Variants in MED27 observed in about 807,000 individuals in gnomAD.
MED27 encodes the protein mediator complex subunit 27.
MED27 carries 30 observed loss-of-function variants against 38.2 expected under a neutral mutation model. That is an observed-to-expected ratio of 0.79 (90% CI 0.59 to 1.07). The LOEUF is 1.07. Among genes scored for constraint, MED27 ranks in the 50% least tolerant of loss-of-function variants. MED27 has a pLI of 0.00. For synonymous variants in MED27, 122 were observed against 153.5 expected (o/e 0.79, Z 1.52); for missense variants, 289 against 397.5 (o/e 0.73, Z 2.32).
chr9:131,884,555 T>C (rs1329952837), intron 5 of MED27, among the ~76,000 whole-genome samples: 1 of 152,096 alleles, frequency 6.6e-6, no homozygotes, highest in African/African-American at 2.4e-5. Flanking sequence ...CATTTCCCAG[T>C]TACCTTATCA....
In MED27 at chr9:132,056,166, C is replaced by T. The variant is rs140134417; in HGVS notation, c.348+21276G>A. 2.1e-3 allele frequency among the ~76,000 whole-genome samples: 324 copies of T among 152,336 alleles called. 1 individual carries two copies. The highest frequency in any genetic ancestry group is 7.5e-3 in the African/African-American group (310 of 41,582). ...ATAACTATGGCATATTTGCTTGTTT[C>T]ATGCCTTCCTTATGGTGACTTCATT... is the stretch of plus-strand genomic sequence containing the variant. On this transcript the variant is annotated intron_variant, in intron 2 of 7. Transcript: ENST00000292035.
At chr9:131,928,849 T>C (rs531474072) in intron 4 of MED27, among the ~76,000 whole-genome samples, 1 of 152,368 alleles carries the variant, frequency 6.6e-6, no homozygotes, top group Non-Finnish European at 1.5e-5. Context: ...TTATAGCCAG[T>C]GGACTAGGGC....
intron 4 of MED27, among the ~76,000 whole-genome samples, chr9:131,916,371 C>T (rs141461184): frequency 6.6e-6 from 1 of 152,308 alleles, no homozygotes; most frequent in East Asian, 1.9e-4. Flanking sequence ...CGATTGTCTA[C>T]AAGAAAACAG....
chr9:132,073,809 A>G (rs1165390718), intron 2 of MED27: 9 of 1,471,312 alleles, frequency 6.1e-6, no homozygotes, highest in African/African-American at 2.9e-5. Flanking sequence ...CTCTGGGCCC[A>G]TTTCCCAAGC....
chr9:132,007,532 G>C (rs1832385847), intron 3 of MED27, among the ~76,000 whole-genome samples: 1 of 152,160 alleles, frequency 6.6e-6, no homozygotes, highest in South Asian at 2.1e-4. Context: ...CAGAACAGTA[G>C]TTGCCTGGGG....
intron 3 of MED27, among the ~76,000 whole-genome samples, chr9:131,992,458 C>T (rs1015306582): frequency 2.0e-5 from 3 of 152,102 alleles, no homozygotes; most frequent in African/African-American, 7.2e-5. Flanking sequence ...AGTGCAGTGG[C>T]GTGATCACAG....
At chr9:131,981,093 T>C (rs1462268200) in intron 3 of MED27, among the ~76,000 whole-genome samples, 1 of 152,220 alleles carries the variant, frequency 6.6e-6, no homozygotes, top group East Asian at 1.9e-4. Context: ...GGACTCCTAA[T>C]TGCAACAAAG....
chr9:132,049,508 G>A (rs1299201618), intron 2 of MED27, among the ~76,000 whole-genome samples: 3 of 152,148 alleles, frequency 2.0e-5, no homozygotes, highest in Non-Finnish European at 2.9e-5. Flanking sequence ...GCCCAGTGGG[G>A]AGGAGGCAAC....
intron 3 of MED27, among the ~76,000 whole-genome samples, chr9:132,010,919 TATACCTAATGTAA>T (rs1419894964): frequency 6.6e-6 from 1 of 152,116 alleles, no homozygotes; most frequent in East Asian, 1.9e-4. Context: ...CATTAGGAGA[TATACCTAATGTAA>T]ATGACGAGTT....
intron 4 of MED27, among the ~76,000 whole-genome samples, chr9:131,910,101 G>C (rs895248542): frequency 6.6e-6 from 1 of 152,280 alleles, no homozygotes; most frequent in African/African-American, 2.4e-5. Flanking sequence ...AGGGGAAACC[G>C]AGGCGCTGGT....
chr9:131,923,423 T>C (rs1259713213), intron 4 of MED27, among the ~76,000 whole-genome samples: 1 of 152,166 alleles, frequency 6.6e-6, no homozygotes, highest in Non-Finnish European at 1.5e-5. Flanking sequence ...AAGTTTAATA[T>C]TAGTTCACAG....
chr9:131,862,944 C>G lies in MED27; in HGVS notation c.801+119G>C. On this transcript the variant is annotated intron_variant, in intron 7 of 7. Coordinates refer to ENST00000292035, the MANE Select transcript of MED27 (RefSeq NM_004269.4). This position sits in a 1 kb window ranked among gnomAD's most constrained non-coding sequence, Gnocchi z 4.6. ...AGTAGCAGTTTTAAACTGGCAGCCC[C>G]ATCTCCCACTGGGAGGCCCTCAAAG... is the stretch of plus-strand genomic sequence containing the variant. The G allele has an allele frequency of 1.3e-6, 1 of 744,944 alleles. No individual in the cohort carries two copies. The highest frequency in any genetic ancestry group is 2.6e-5 in the East Asian group (1 of 38,268). The allele number at this position is 744,944 out of a possible 1,614,324, so 46.1% of individuals were successfully genotyped here.
At chr9:131,995,403 A>C (rs1832068878) in intron 3 of MED27, among the ~76,000 whole-genome samples, 1 of 152,116 alleles carries the variant, frequency 6.6e-6, no homozygotes. Flanking sequence ...TGCTAATGCC[A>C]AAAAATAACC....
At chr9:131,988,396 A>G (rs1831900120) in intron 3 of MED27, among the ~76,000 whole-genome samples, 1 of 152,224 alleles carries the variant, frequency 6.6e-6, no homozygotes, top group Non-Finnish European at 1.5e-5. Flanking sequence ...ACTTATACTC[A>G]GATTTTCTTC....
chr9:131,934,704 T>G (rs1051167813), intron 4 of MED27, among the ~76,000 whole-genome samples: 1 of 152,172 alleles, frequency 6.6e-6, no homozygotes, highest in Non-Finnish European at 1.5e-5. Flanking sequence ...GCAATCCCAC[T>G]GCTGCATATA....
At chr9:132,062,208 T>C (rs1399194218) in intron 2 of MED27, among the ~76,000 whole-genome samples, 2 of 152,250 alleles carry the variant, frequency 1.3e-5, no homozygotes, top group Non-Finnish European at 2.9e-5. Context: ...ACTTGCTAGA[T>C]GTTGGAAATA....
chr9:132,035,712 C>T (rs144162095), intron 2 of MED27, among the ~76,000 whole-genome samples: 18 of 152,258 alleles, frequency 1.2e-4, no homozygotes, highest in South Asian at 2.1e-4. Flanking sequence ...CCTGTCACCC[C>T]GGCACTTTTG....
chr9:131,986,077 C>T (rs886707337), intron 3 of MED27, among the ~76,000 whole-genome samples: 9 of 151,842 alleles, frequency 5.9e-5, no homozygotes, highest in Admixed American at 2.0e-4. Context: ...TTAAGGTAAA[C>T]GTCATAACAA....
intron 3 of MED27, among the ~76,000 whole-genome samples, chr9:131,962,740 C>T (rs1480118883): frequency 1.3e-5 from 2 of 152,130 alleles, no homozygotes; most frequent in Admixed American, 6.5e-5. Context: ...AACTCCATCC[C>T]GGCTGGGTGC....
Sources: allele counts gnomAD v4.1 joint callset (sites outside exome capture counted in the v4.1 genomes callset), GRCh38; gene constraint gnomAD v4.1.1; non-coding constraint Gnocchi (gnomAD v3.1); transcripts MANE v1.5; gene names NCBI Gene and HGNC (gene_info 2026-07-23, HGNC 2026-07-21).